Variants in KIF15 observed in about 807,000 individuals in gnomAD.
KIF15 encodes the protein kinesin family member 15.
KIF15 carries 140 observed loss-of-function variants against 190.6 expected under a neutral mutation model. The observed-to-expected ratio is 0.73, with a 90% confidence interval of 0.64 to 0.84. The LOEUF (loss-of-function observed/expected upper bound fraction) is 0.84. Ranked by LOEUF, KIF15 falls within the 40% of genes least tolerant of loss-of-function variation. KIF15 has a pLI of 0.00. For synonymous variants in KIF15, 528 were observed against 551.3 expected, an observed-to-expected ratio of 0.96 and a Z score of 0.59; for missense variants, 1,372 against 1,584.4, an observed-to-expected ratio of 0.87 and a Z score of 2.28.
At chr3:44,768,828 C>T (rs967939526) in intron 1 of KIF15, among the ~76,000 whole-genome samples, 9 of 152,102 alleles carry the variant, frequency 5.9e-5, no homozygotes, top group Admixed American at 5.2e-4. Context: ...TCCAGTTGCA[C>T]GACTGGAGTT....
chr3:44,860,484 C>T (rs552564177), intron 6 of KIF15, among the ~76,000 whole-genome samples: 1 of 152,164 alleles, frequency 6.6e-6, no homozygotes, highest in African/African-American at 2.4e-5. Context: ...AATTCTCTGC[C>T]TCAGCTTCCC....
chr3:44,848,921 G>A (rs998378327), intron 32 of KIF15, among the ~76,000 whole-genome samples: 1 of 152,160 alleles, frequency 6.6e-6, no homozygotes, highest in Non-Finnish European at 1.5e-5. Context: ...TCAGTACTCT[G>A]ATTTCTTCTG....
chr3:44,802,094 C>G (rs1575612675), intron 13 of KIF15, 120 bp downstream of exon 13: 1 of 653,038 alleles, frequency 1.5e-6, no homozygotes, highest in Non-Finnish European at 2.6e-6. Flanking sequence ...ATTCTTCTGA[C>G]AGTGTGATTG....
chr3:44,770,180 T>C (rs1705581235), intron 1 of KIF15, among the ~76,000 whole-genome samples: 1 of 152,208 alleles, frequency 6.6e-6, no homozygotes, highest in Non-Finnish European at 1.5e-5. Context: ...TTAAACATAA[T>C]TTATCTCTCT....
At chr3:44,851,091 C>A (rs1049305371) in intron 32 of KIF15, among the ~76,000 whole-genome samples, 1 of 152,116 alleles carries the variant, frequency 6.6e-6, no homozygotes, top group Admixed American at 6.5e-5. Flanking sequence ...AGCAAGACTC[C>A]ATCTCTACGG....
chr3:44,768,210 G>A (rs533669106), intron 1 of KIF15, among the ~76,000 whole-genome samples: 65 of 151,228 alleles, frequency 4.3e-4, no homozygotes, highest in African/African-American at 1.4e-3. Flanking sequence ...GGAGGTGGAG[G>A]TTGCAGTGAG....
chr3:44,861,902 C>T (rs772348432), intron 6 of KIF15: 1 of 1,488,166 alleles, frequency 6.7e-7, no homozygotes, highest in Non-Finnish European at 8.9e-7. Context: ...CAGCGGGTGC[C>T]AGGCACGGTG....
rs376879444 is a variant in KIF15, at chr3:44,825,900, A to C, written c.2550-139A>C. ...CATCATGGACATTTCACACAGGTCC[A>C]TAAGGAGCCTTATATCACTCGAGGC... On this transcript the variant is annotated intron_variant, in intron 20 of 34. Transcript: ENST00000326047. The C allele has an allele frequency of 2.7e-4, 182 of 675,744 alleles. 1 individual carries two copies. The African/African-American group carries it at 3.1e-3, about 11-fold the overall frequency. 41.9% of individuals were successfully genotyped at this position (675,744 alleles called of 1,614,324 possible).
chr3:44,860,870 CTAAA>C (rs1188081171), intron 6 of KIF15, among the ~76,000 whole-genome samples: 7 of 152,154 alleles, frequency 4.6e-5, no homozygotes, highest in African/African-American at 1.7e-4. Context: ...CTATATATAA[CTAAA>C]TAGACATATA....
At chr3:44,848,111 G>T (rs922563940) in intron 31 of KIF15, 54 bp downstream of exon 31, 21 of 1,088,128 alleles carry the variant, frequency 1.9e-5, no homozygotes, top group Non-Finnish European at 2.6e-5. Flanking sequence ...TGCTTTTATA[G>T]TTAGTATTTA....
chr3:44,780,964 T>G, intron 5 of KIF15, 42 bp downstream of exon 5: 1 of 1,401,440 alleles, frequency 7.1e-7, no homozygotes, highest in Non-Finnish European at 1.0e-6. Flanking sequence ...CTACTCTTTC[T>G]GTGATAACAG....
At chr3:44,801,091 T>G (rs1453949723) in intron 11 of KIF15, among the ~76,000 whole-genome samples, 1 of 150,920 alleles carries the variant, frequency 6.6e-6, no homozygotes, top group African/African-American at 2.4e-5. Context: ...CACTGCAACC[T>G]CTACCTCCTG....
chr3:44,856,519 G>A (rs1428470837), downstream of KIF15, among the ~76,000 whole-genome samples: 2 of 152,192 alleles, frequency 1.3e-5, no homozygotes, highest in Non-Finnish European at 2.9e-5. Context: ...ATTTTTCTTG[G>A]TCCAAGAACC....
intron 7 of KIF15, among the ~76,000 whole-genome samples, chr3:44,789,878 A>T (rs562276808): frequency 6.6e-6 from 1 of 151,868 alleles, no homozygotes. Context: ...AAACTTCTCA[A>T]TAAGAACCCA....
rs533081681 is a variant in KIF15, at chr3:44,859,453, C to T, written c.*59+6659C>T. 2.0e-5 allele frequency among the ~76,000 whole-genome samples: 3 copies of T among 151,996 alleles called. No individual in the cohort carries two copies. The South Asian group carries it at 6.2e-4, about 32-fold the overall frequency. Reference sequence around the variant, plus strand: ...GCCAAGGTGGGTGGATCACTTGGGCCCAGGGGTTCAAGACCAGCCTGGGCC... The same window carrying T: ...GCCAAGGTGGGTGGATCACTTGGGCTCAGGGGTTCAAGACCAGCCTGGGCC... On this transcript the variant is annotated intron_variant and NMD_transcript_variant, in intron 6 of 6. Coordinates refer to the KIF15 transcript ENST00000422209.
In KIF15 at chr3:44,810,870, T is replaced by C. The variant is rs1192415743; in HGVS notation, c.1996T>C (p.Tyr666His). The stretch of plus-strand genomic sequence containing the variant: ...GATTATAACTACACCAACCAAGGCC[T>C]ACCAACTTCATTCCCGACCAGTACC... The part of the protein sequence containing the change: ...LKIITTPTKA[Y>H]QLHSRPVPKL... Residue 666 changes from tyrosine (Y) to histidine (H), a missense_variant, in exon 17 of 35, where the codon TAC (tyrosine) becomes CAC (histidine). Coordinates refer to ENST00000326047, the MANE Select transcript of KIF15 (RefSeq NM_020242.3). The C allele has an allele frequency of 6.2e-7, 1 of 1,613,654 alleles. No individual in the cohort carries two copies. Among genetic ancestry groups the C allele is most frequent in the East Asian group, 2.2e-5 (1 of 44,884 alleles).
At chr3:44,788,982 C>G (rs920054048) in intron 7 of KIF15, among the ~76,000 whole-genome samples, 7 of 152,150 alleles carry the variant, frequency 4.6e-5, no homozygotes, top group African/African-American at 1.7e-4. Flanking sequence ...TCTTAGTTTT[C>G]AAGTATATTG....
intron 6 of KIF15, among the ~76,000 whole-genome samples, chr3:44,858,566 G>A (rs781461618): frequency 2.6e-5 from 4 of 152,118 alleles, no homozygotes; most frequent in South Asian, 4.1e-4. Context: ...GGAGGCTTTC[G>A]GTTGGGAAGA....
chr3:44,867,971 T>C (rs954959006), intron 6 of KIF15, among the ~76,000 whole-genome samples: 1 of 152,232 alleles, frequency 6.6e-6, no homozygotes, highest in Non-Finnish European at 1.5e-5. Context: ...TTTAATTTTA[T>C]TTTTTAACTT....
Sources: allele counts gnomAD v4.1 joint callset (sites outside exome capture counted in the v4.1 genomes callset), GRCh38; gene constraint gnomAD v4.1.1; transcripts MANE v1.5; gene names NCBI Gene and HGNC (gene_info 2026-07-23, HGNC 2026-07-21).